Variants in SEMA4D observed in about 807,000 individuals in gnomAD.
SEMA4D encodes semaphorin 4D.
A neutral mutation model predicts 74.8 loss-of-function variants in SEMA4D; 22 were observed. The observed-to-expected ratio is 0.29, with a 90% CI of 0.21 to 0.42. The LOEUF is 0.42. Among genes scored for constraint, SEMA4D ranks in the 10% least tolerant of loss-of-function variants. SEMA4D has a pLI of 1.00. For synonymous variants in SEMA4D, 445 were observed against 463.7 expected (o/e 0.96, Z 0.52); for missense variants, 937 against 1,118.4 (o/e 0.84, Z 2.31).
At chr9:89,375,069 ATAAC>A (rs1332136502), downstream of SEMA4D, among the ~76,000 whole-genome samples, 50 of 152,178 alleles carry the variant, frequency 3.3e-4, no homozygotes, top group African/African-American at 1.2e-3. Context: ...AAATAAATAA[ATAAC>A]CAACCAACAT....
At chr9:89,385,832 C>A in intron 13 of SEMA4D, 1 of 889,170 alleles carries the variant, frequency 1.1e-6, no homozygotes, top group Non-Finnish European at 1.3e-6. Flanking sequence ...GGAGCCAGGG[C>A]CAGGGAGGCA....
chr9:89,385,313 A>G (rs1304434346), intron 13 of SEMA4D: 4 of 985,218 alleles, frequency 4.1e-6, no homozygotes, highest in Non-Finnish European at 4.8e-6. Context: ...TTCTAATGAG[A>G]AGTCCACATT....
Position 89,464,576 on chromosome 9 carries a change from C to T in SEMA4D, c.-309-8623G>A, listed in dbSNP as rs375548988. 2.6e-5 allele frequency among the ~76,000 whole-genome samples: 4 copies of T among 152,182 alleles called. No individual in the cohort carries two copies. The East Asian group carries it at 7.7e-4, about 29-fold the overall frequency. ...AGGGCAGCAACAGGTCCTCTCCCTGCAAGATCATGGGAACAAAGAAGAGGA... is the reference window on the plus strand; with the variant it reads ...AGGGCAGCAACAGGTCCTCTCCCTGTAAGATCATGGGAACAAAGAAGAGGA... On this transcript the variant is annotated intron_variant, in intron 1 of 15. Transcript: ENST00000422704.
At chr9:89,418,791 C>A (rs1242966330) in intron 2 of SEMA4D, 1 of 152,058 alleles carries the variant, frequency 6.6e-6, no homozygotes, top group African/African-American at 2.4e-5. Flanking sequence ...CAGGAGCCGA[C>A]GCTGATCCCT....
chr9:89,387,659 C>G, intron 11 of SEMA4D, 51 bp from the exon 12 acceptor site: 1 of 1,552,178 alleles, frequency 6.4e-7, no homozygotes, highest in Non-Finnish European at 8.9e-7. Context: ...CACCACGCAA[C>G]GGGTGCTTCC....
chr9:89,363,751 C>A (rs1296832730), exon 17 of SEMA4D: 5 of 1,612,634 alleles, frequency 3.1e-6, no homozygotes, highest in Non-Finnish European at 4.2e-6. Context: ...CAGGTCTCAT[C>A]ACAGCAACCT....
chr9:89,419,440 T>C (rs1279581537), intron 2 of SEMA4D, among the ~76,000 whole-genome samples: 2 of 152,184 alleles, frequency 1.3e-5, no homozygotes, highest in Non-Finnish European at 2.9e-5. Context: ...TCCACGCTAC[T>C]GTGGGCACCT....
At chr9:89,439,856 A>T (rs1030590727) in intron 2 of SEMA4D, among the ~76,000 whole-genome samples, 1 of 152,230 alleles carries the variant, frequency 6.6e-6, no homozygotes, top group African/African-American at 2.4e-5. Context: ...AGCTGAATGG[A>T]AACCGGCCGA....
chr9:89,372,918 C>T (rs909388059), downstream of SEMA4D, among the ~76,000 whole-genome samples: 1 of 152,118 alleles, frequency 6.6e-6, no homozygotes, highest in Non-Finnish European at 1.5e-5. Flanking sequence ...GTGGATCTTT[C>T]CGTATCATCT....
intron 13 of SEMA4D, chr9:89,385,233 T>A (rs1838182382): frequency 1.2e-5 from 12 of 976,840 alleles, no homozygotes; most frequent in Non-Finnish European, 1.3e-5. Flanking sequence ...TCCACCAGCC[T>A]GGGTCCCTAA....
downstream of SEMA4D, among the ~76,000 whole-genome samples, chr9:89,372,340 G>A (rs1213107123): frequency 7.9e-6 from 1 of 126,032 alleles, no homozygotes; most frequent in Non-Finnish European, 1.7e-5. Flanking sequence ...GTGTGTGTGG[G>A]GGGGTGTGGT....
At chr9:89,399,066 T>C (rs1841626926) in intron 5 of SEMA4D, among the ~76,000 whole-genome samples, 1 of 152,194 alleles carries the variant, frequency 6.6e-6, no homozygotes, top group Non-Finnish European at 1.5e-5. Context: ...AGGCCAAATA[T>C]GTTTGGCACC....
chr9:89,391,639 G>A (rs1839897328), intron 8 of SEMA4D, among the ~76,000 whole-genome samples: 1 of 152,236 alleles, frequency 6.6e-6, no homozygotes, highest in African/African-American at 2.4e-5. Context: ...CGGCCTCAGA[G>A]AGGTGCCCCC....
intron 15 of SEMA4D, 72 bp from the exon 16 acceptor site, chr9:89,379,701 C>A: frequency 6.7e-7 from 1 of 1,494,656 alleles, no homozygotes; most frequent in Admixed American, 2.1e-5. Flanking sequence ...TTTAAAATAC[C>A]CACAAGATGA....
intron 2 of SEMA4D, among the ~76,000 whole-genome samples, chr9:89,417,580 C>T (rs980089420): frequency 3.3e-5 from 5 of 151,608 alleles, no homozygotes; most frequent in African/African-American, 1.2e-4. Flanking sequence ...TCCTCTGAAA[C>T]TGAAAATGCA....
At position 89,492,540 on chromosome 9, in the gene SEMA4D, C is replaced by G. The variant is rs889835133; in HGVS notation, c.-310+5379G>C. On this transcript the variant is annotated intron_variant, in intron 1 of 15. Coordinates refer to ENST00000422704, the MANE Select transcript of SEMA4D (RefSeq NM_001371194.2). The surrounding 1 kb of genome is among the most constrained non-coding windows in gnomAD (Gnocchi z 4.3). Reference sequence around the variant, plus strand: ...CCTCCCCACCTCCACTGGGACACTTCAGTAGGACTCTCACCTGTACTATCT... The same window carrying G: ...CCTCCCCACCTCCACTGGGACACTTGAGTAGGACTCTCACCTGTACTATCT... Among the ~76,000 whole-genome samples the G allele has an allele frequency of 5.3e-5, 8 of 152,158 alleles. No individual in the cohort carries two copies. The highest frequency in any genetic ancestry group is 2.9e-5 in the Non-Finnish European group (2 of 68,032).
At position 89,379,273 on chromosome 9, in the gene SEMA4D, C is replaced by T. The variant is rs1156733127; in HGVS notation, c.2020G>A (p.Val674Met). The change falls in exon 16 of 16, where the codon GTG becomes ATG. Residue 674 changes from valine to methionine, a missense_variant. Val to Met is a conservative substitution (Grantham distance 21). Transcript: ENST00000422704. ...EGSRIATKVL[V>M]ASTQGSSPPT... The stretch of plus-strand genomic sequence containing the variant: ...GGAGAAGACCCTTGGGTGGATGCCA[C>T]CAACACTTTGGTGGCAATCCTACTA... 4.3e-6 allele frequency: 7 copies of T among 1,613,930 alleles called. No homozygotes were observed. Among genetic ancestry groups the T allele is most frequent in the Non-Finnish European group, 5.1e-6 (6 of 1,180,014 alleles).
chr9:89,385,865 T>TTGG, intron 13 of SEMA4D: 16 of 213,324 alleles, frequency 7.5e-5, no homozygotes, highest in South Asian at 1.8e-4. Flanking sequence ...CCAGCGTGGA[T>TTGG]GCCCGCCCAC....
intron 2 of SEMA4D, among the ~76,000 whole-genome samples, chr9:89,428,210 A>G (rs1564745442): frequency 6.6e-6 from 1 of 152,012 alleles, no homozygotes; most frequent in Non-Finnish European, 1.5e-5. Flanking sequence ...GCTCTTCCCA[A>G]CCATCTCAGT....
Sources: gnomAD v4.1 joint callset for allele counts (sites outside exome capture counted in the v4.1 genomes callset) on GRCh38, gnomAD v4.1.1 for gene constraint, Gnocchi (gnomAD v3.1) non-coding constraint, MANE v1.5 for transcripts, NCBI Gene and HGNC (gene_info 2026-07-23, HGNC 2026-07-21) for gene names.